DPP10: variants seen among roughly 807,000 people sequenced by gnomAD.
DPP10 encodes dipeptidyl peptidase like 10, also known as inactive dipeptidyl peptidase 10.
A neutral mutation model predicts 120.9 loss-of-function variants in DPP10; 33 were observed. That is an observed-to-expected ratio of 0.27 (90% CI 0.21 to 0.37). DPP10 has a LOEUF of 0.37. Ranked by LOEUF, DPP10 falls within the 10% of genes least tolerant of loss-of-function variation. The probability of loss-of-function intolerance (pLI) is 1.00; values close to 1 mark genes in which losing one functional copy is unlikely to be tolerated. For synonymous variants in DPP10, 337 were observed against 326.1 expected (o/e 1.03, Z -0.36); for missense variants, 816 against 942.8 (o/e 0.87, Z 1.76).
chr2:114,447,863 G>A (rs1046333682), intron 1 of DPP10, among the ~76,000 whole-genome samples: 1 of 152,188 alleles, frequency 6.6e-6, no homozygotes, highest in Non-Finnish European at 1.5e-5. Flanking sequence ...TTTTATGTGT[G>A]TGAGAGAAAA....
At chr2:114,881,586 GTCTGTCTGTCTGTCTA>G (rs1657724110) in intron 1 of DPP10, among the ~76,000 whole-genome samples, 1 of 136,848 alleles carries the variant, frequency 7.3e-6, no homozygotes, top group African/African-American at 2.7e-5. Flanking sequence ...CTATCTGTCT[GTCTGTCTGTCTGTCTA>G]TCTATCTATC....
At chr2:115,824,263 G>A (rs1482644913) in intron 21 of DPP10, among the ~76,000 whole-genome samples, 1 of 151,966 alleles carries the variant, frequency 6.6e-6, no homozygotes, top group Non-Finnish European at 1.5e-5. Flanking sequence ...TAAGGAGCTG[G>A]GATTTGGCGA....
At chr2:115,197,131 C>T (rs1413469711) in intron 1 of DPP10, among the ~76,000 whole-genome samples, 6 of 152,212 alleles carry the variant, frequency 3.9e-5, no homozygotes, top group Middle Eastern at 3.4e-3. Context: ...GGGTGGCTCA[C>T]GCCTATAATC....
chr2:115,713,057 A>G (rs2092382125), intron 7 of DPP10, among the ~76,000 whole-genome samples: 1 of 152,118 alleles, frequency 6.6e-6, no homozygotes, highest in African/African-American at 2.4e-5. Flanking sequence ...GAGGAGCCAA[A>G]AAGTAGTAAA....
Position 115,661,361 on chromosome 2 carries a change from T to TTAGG in DPP10, c.442-28325_442-28322dup, listed in dbSNP as rs1192198125. ...AGTTCTCAACATGGAAATCAACTAGTTAGGATACAGGCCGGTCACCTAGAC... is the reference window on the plus strand; with the variant it reads ...AGTTCTCAACATGGAAATCAACTAGTTAGGTAGGATACAGGCCGGTCACCTAGAC... On this transcript the variant is annotated intron_variant, in intron 5 of 25. Transcript: ENST00000410059. Among the ~76,000 whole-genome samples the TTAGG allele has an allele frequency of 2.0e-5, 3 of 152,236 alleles. No individual in the cohort carries two copies. The East Asian group carries it at 5.8e-4, about 29-fold the overall frequency.
At chr2:114,510,466 T>C (rs1016142179) in intron 1 of DPP10, among the ~76,000 whole-genome samples, 1 of 152,080 alleles carries the variant, frequency 6.6e-6, no homozygotes, top group African/African-American at 2.4e-5. Context: ...TAGCTGGGCA[T>C]GGTTGTGTGT....
At chr2:115,200,849 A>G (rs1276085848) in intron 1 of DPP10, among the ~76,000 whole-genome samples, 6 of 152,200 alleles carry the variant, frequency 3.9e-5, no homozygotes, top group African/African-American at 1.4e-4. Context: ...GCTACTGAGT[A>G]TCTTGCTTAA....
intron 5 of DPP10, among the ~76,000 whole-genome samples, chr2:115,647,981 T>C (rs2087419177): frequency 6.6e-6 from 1 of 152,170 alleles, no homozygotes; most frequent in African/African-American, 2.4e-5. Context: ...ACTAATGCAG[T>C]AAAGATTCAT....
intron 1 of DPP10, among the ~76,000 whole-genome samples, chr2:115,284,697 G>A (rs947288644): frequency 2.0e-5 from 3 of 151,872 alleles, no homozygotes; most frequent in Admixed American, 6.6e-5. Flanking sequence ...GGAAAACATG[G>A]GAGTTAAAAC....
intron 1 of DPP10, among the ~76,000 whole-genome samples, chr2:114,481,975 G>A (rs528662797): frequency 1.2e-3 from 180 of 150,110 alleles, no homozygotes; most frequent in African/African-American, 4.3e-3. Flanking sequence ...AGAGAGAGAG[G>A]AGAGAAAGAA....
chr2:115,258,119 A>G (rs774388715), intron 1 of DPP10, among the ~76,000 whole-genome samples: 2 of 152,224 alleles, frequency 1.3e-5, no homozygotes, highest in Non-Finnish European at 2.9e-5. Context: ...AGCATCAAGG[A>G]AACAAACACA....
chr2:115,801,745 T>G lies in DPP10; in HGVS notation c.1700+10389T>G, dbSNP rs936157697. Reference sequence around the variant, plus strand: ...TATGCTGGATTACGTTTATTGATTTTCGTATGTTGAACCAGCCTTGCATCC... The same window carrying G: ...TATGCTGGATTACGTTTATTGATTTGCGTATGTTGAACCAGCCTTGCATCC... On this transcript the variant is annotated intron_variant, in intron 19 of 25. Coordinates refer to ENST00000410059, the MANE Select transcript of DPP10 (RefSeq NM_020868.6). 5.3e-5 allele frequency among the ~76,000 whole-genome samples: 8 copies of G among 152,264 alleles called. No individual in the cohort carries two copies. In the South Asian group the frequency reaches 8.3e-4, roughly 16 times the overall value.
chr2:114,831,932 C>A (rs1017389795), intron 1 of DPP10, among the ~76,000 whole-genome samples: 1 of 149,508 alleles, frequency 6.7e-6, no homozygotes, highest in Non-Finnish European at 1.5e-5. Flanking sequence ...TCTGTCCAAA[C>A]CTCTCTTCTC....
intron 19 of DPP10, among the ~76,000 whole-genome samples, chr2:115,795,742 A>G (rs17045001): frequency 2.6e-5 from 4 of 152,142 alleles, no homozygotes; most frequent in Admixed American, 6.5e-5. Context: ...AGATAACATC[A>G]TTGCTGGTTT....
intron 1 of DPP10, among the ~76,000 whole-genome samples, chr2:115,055,730 G>C (rs1331778598): frequency 6.6e-6 from 1 of 152,132 alleles, no homozygotes; most frequent in African/African-American, 2.4e-5. Context: ...CCCAGTTCTA[G>C]AATGAAGAGC....
intron 1 of DPP10, among the ~76,000 whole-genome samples, chr2:115,254,383 T>G (rs2058885424): frequency 6.6e-6 from 1 of 152,144 alleles, no homozygotes; most frequent in South Asian, 2.1e-4. Flanking sequence ...ACCTGCTCTC[T>G]CCCATGACAC....
intron 5 of DPP10, among the ~76,000 whole-genome samples, chr2:115,633,215 A>G (rs2086033495): frequency 6.6e-6 from 1 of 152,372 alleles, no homozygotes; most frequent in South Asian, 2.1e-4. Context: ...GATTAAGACA[A>G]TGTGGCACAT....
In DPP10 at chr2:115,844,623, T is replaced by C. The variant is rs1690469168; in HGVS notation, c.*2278T>C. 1 of 152,186 alleles carries C rather than the reference T, an allele frequency of 6.6e-6. No individual in the cohort carries two copies. The highest frequency in any genetic ancestry group is 1.5e-5 in the Non-Finnish European group (1 of 68,030). The allele number at this position is 152,186 out of a possible 1,614,324, so 9.4% of individuals were successfully genotyped here. On this transcript the variant is annotated 3_prime_UTR_variant, in exon 26 of 26. Transcript: ENST00000410059. Reference sequence around the variant, plus strand: ...CCAACTATTAAAGGAATCATGTGATTGGATTTTCCCCTGTATACATGTACC... The same window carrying C: ...CCAACTATTAAAGGAATCATGTGATCGGATTTTCCCCTGTATACATGTACC...
intron 1 of DPP10, among the ~76,000 whole-genome samples, chr2:114,511,218 A>T (rs920444822): frequency 6.6e-6 from 1 of 152,262 alleles, no homozygotes; most frequent in African/African-American, 2.4e-5. Context: ...TCTGCATACA[A>T]AATATATTAG....
Sources: gnomAD v4.1 joint callset for allele counts (sites outside exome capture counted in the v4.1 genomes callset) on GRCh38, gnomAD v4.1.1 for gene constraint, MANE v1.5 for transcripts, NCBI Gene and HGNC (gene_info 2026-07-23, HGNC 2026-07-21) for gene names.